The following FSD1L variants were observed in gnomAD, a reference collection of about 807,000 sequenced individuals.
The protein encoded by FSD1L is FSD1-like protein.
Under a neutral mutation model 71.6 loss-of-function variants are expected in FSD1L, and 45 were observed. The observed-to-expected ratio is 0.63, with a 90% CI of 0.49 to 0.81. The LOEUF is 0.81. Ranked by LOEUF, FSD1L falls within the 30% of genes least tolerant of loss-of-function variation. FSD1L has a pLI of 0.00. For synonymous variants in FSD1L, 197 were observed against 207.2 expected, an observed-to-expected ratio of 0.95 and a Z score of 0.42; for missense variants, 561 against 618.1, an observed-to-expected ratio of 0.91 and a Z score of 0.98.
At chr9:105,543,353 A>T (rs1199689287) in intron 13 of FSD1L, among the ~76,000 whole-genome samples, 1 of 152,100 alleles carries the variant, frequency 6.6e-6, no homozygotes. Context: ...AATTCTTTTG[A>T]CTGTGTCCCA....
intron 7 of FSD1L, among the ~76,000 whole-genome samples, chr9:105,505,888 A>G (rs1473829333): frequency 6.6e-6 from 1 of 152,258 alleles, no homozygotes; most frequent in Non-Finnish European, 1.5e-5. Context: ...TTAAAAAGCT[A>G]TGAAATATGT....
intron 10 of FSD1L, chr9:105,531,012 A>C (rs762908871): frequency 6.4e-6 from 1 of 155,994 alleles, no homozygotes; most frequent in Non-Finnish European, 1.4e-5. Context: ...GTAACCAATA[A>C]GCGCTAAGCA....
intron 8 of FSD1L, among the ~76,000 whole-genome samples, 183 bp from the exon 9 acceptor site, chr9:105,508,421 CCCACCTGGGCCTT>C (rs1231113540): frequency 2.0e-5 from 3 of 151,960 alleles, no homozygotes. Context: ...TTGTGATCCG[CCCACCTGGGCCTT>C]CCAAAGTGCT....
chr9:105,452,669 G>GCCTGCCTGCCTGCCTGCCTTCCTTCCTT (rs1191519308), intron 1 of FSD1L, among the ~76,000 whole-genome samples: 5 of 96,236 alleles, frequency 5.2e-5, no homozygotes, highest in African/African-American at 2.1e-4. Flanking sequence ...CTGCCTGCCT[G>GCCTGCCTGCCTGCCTGCCTTCCTTCCTT]CCTTCCTTCC....
chr9:105,449,286 T>C (rs934627490), intron 1 of FSD1L, among the ~76,000 whole-genome samples: 2 of 152,238 alleles, frequency 1.3e-5, no homozygotes, highest in Admixed American at 6.5e-5. Context: ...TTAACAAATA[T>C]GCATATGATT....
Position 105,506,579 on chromosome 9 carries a change from AT to A in FSD1L, c.768del (p.Asn256LysfsTer12). The A allele has an allele frequency of 1.3e-6, 2 of 1,550,404 alleles. No homozygotes were observed. The highest frequency in any genetic ancestry group is 1.7e-6 in the Non-Finnish European group (2 of 1,145,952). The part of the protein sequence containing the change: ...KDERCWEIID[N>X]IKGTEYTLSG... ...GAGCGATGCTGGGAGATAATTGATA[AT>A]ATTAAGGGTACTGAATATACACTAT... is the stretch of plus-strand genomic sequence containing the variant. On this transcript the variant is annotated frameshift_variant, in exon 8 of 14. Coordinates refer to ENST00000481272, the MANE Select transcript of FSD1L (RefSeq NM_001145313.3). LOFTEE classifies it high-confidence loss of function.
At chr9:105,509,710 A>G (rs1834286886) in intron 9 of FSD1L, among the ~76,000 whole-genome samples, 1 of 152,230 alleles carries the variant, frequency 6.6e-6, no homozygotes, top group Non-Finnish European at 1.5e-5. Context: ...TTTGCATCAC[A>G]AAGGTCTGAA....
At chr9:105,503,080 G>T (rs984104879) in intron 7 of FSD1L, among the ~76,000 whole-genome samples, 2 of 151,356 alleles carry the variant, frequency 1.3e-5, no homozygotes, top group Non-Finnish European at 2.9e-5. Context: ...GTGAGATGGG[G>T]TCTCACTTTG....
intron 12 of FSD1L, among the ~76,000 whole-genome samples, chr9:105,536,400 C>T (rs1185431511): frequency 6.6e-6 from 1 of 152,124 alleles, no homozygotes; most frequent in African/African-American, 2.4e-5. Context: ...TTATAATCTC[C>T]TATGGCTGTC....
chr9:105,533,521 C>T (rs1264790656), intron 10 of FSD1L, among the ~76,000 whole-genome samples: 2 of 144,824 alleles, frequency 1.4e-5, no homozygotes, highest in Non-Finnish European at 3.0e-5. Flanking sequence ...TTCCTGGGTT[C>T]AGGCAATTCT....
intron 1 of FSD1L, among the ~76,000 whole-genome samples, chr9:105,450,534 C>CTTTTTTTTTTT (rs35115121): frequency 5.1e-5 from 7 of 137,946 alleles, no homozygotes; most frequent in African/African-American, 1.9e-4. Flanking sequence ...GGATTGTGTT[C>CTTTTTTTTTTT]TTTTTTTTTT....
upstream of FSD1L, chr9:105,447,793 C>G (rs1829708690): frequency 3.7e-6 from 1 of 266,714 alleles, no homozygotes. Context: ...GCACCAGATA[C>G]TCTTTCCTTC....
intron 2 of FSD1L, among the ~76,000 whole-genome samples, chr9:105,461,918 G>A (rs554951295): frequency 1.3e-5 from 2 of 150,230 alleles, no homozygotes; most frequent in East Asian, 2.0e-4. Flanking sequence ...AGTGAGCTAC[G>A]ATTGTGTCAC....
At chr9:105,450,452 G>C (rs1432287252) in intron 1 of FSD1L, among the ~76,000 whole-genome samples, 1 of 151,854 alleles carries the variant, frequency 6.6e-6, no homozygotes, top group Non-Finnish European at 1.5e-5. Context: ...GGGATAGTTT[G>C]CTCTGTCTCC....
At chr9:105,456,508 G>C (rs1020616047) in intron 1 of FSD1L, among the ~76,000 whole-genome samples, 5 of 152,168 alleles carry the variant, frequency 3.3e-5, no homozygotes, top group Non-Finnish European at 7.3e-5. Context: ...ATAACTTTAA[G>C]CTGTGCTGCG....
rs574106757 is a variant in FSD1L at position 105,545,458 on chromosome 9, A to G, written c.1468-900A>G. 1.6e-4 allele frequency among the ~76,000 whole-genome samples: 24 copies of G among 146,784 alleles called. 3 individuals are homozygous for G. The South Asian group carries it at 5.0e-3, about 31-fold the overall frequency. On this transcript the variant is annotated intron_variant, in intron 13 of 13. Transcript: ENST00000481272. ...TGCTCTGGCCAGAACTTCCAACACT[A>G]TGTTGAATAGGAGTGGTGAGAGAGG...
intron 1 of FSD1L, among the ~76,000 whole-genome samples, chr9:105,451,192 C>CTT (rs1222887323): frequency 3.9e-5 from 6 of 152,160 alleles, no homozygotes; most frequent in Non-Finnish European, 5.9e-5. Flanking sequence ...ATCTTCTGAC[C>CTT]CCGTGATCCG....
At chr9:105,447,415 T>G (rs1829691097), upstream of FSD1L, among the ~76,000 whole-genome samples, 1 of 151,424 alleles carries the variant, frequency 6.6e-6, no homozygotes, top group South Asian at 2.1e-4. Flanking sequence ...CACAATCCTC[T>G]GCAAAGTCCG....
chr9:105,533,416 C>CTT (rs754896606), intron 10 of FSD1L, among the ~76,000 whole-genome samples: 545 of 29,034 alleles, frequency 0.019, 177 homozygotes, highest in Admixed American at 0.09. Flanking sequence ...CCATTTCCAT[C>CTT]TTTTTTTTTT....
Sources: allele counts gnomAD v4.1 joint callset (sites outside exome capture counted in the v4.1 genomes callset), GRCh38; gene constraint gnomAD v4.1.1; transcripts MANE v1.5; gene names NCBI Gene and HGNC (gene_info 2026-07-23, HGNC 2026-07-21).